Variants in HNRNPM observed in about 807,000 individuals in gnomAD.
HNRNPM encodes the protein heterogeneous nuclear ribonucleoprotein M, also known as CEA receptor.
A neutral mutation model predicts 73.1 loss-of-function variants in HNRNPM; 11 were observed. The ratio of observed to expected loss-of-function variants is 0.15; its 90% CI spans 0.09 to 0.25. The LOEUF (loss-of-function observed/expected upper bound fraction) is 0.25, where lower values mean the gene tolerates loss of function less well. Ranked by LOEUF, HNRNPM falls within the 10% of genes least tolerant of loss-of-function variation. The pLI is 1.00. For synonymous variants in HNRNPM, 407 were observed against 355.2 expected (o/e 1.15, Z -1.64); for missense variants, 789 against 1,067.9 (o/e 0.74, Z 3.64).
rs1037622364 is a variant in HNRNPM, at chr19:8,475,929, T to A, written c.1120+1685T>A. Among the ~76,000 whole-genome samples the A allele has an allele frequency of 1.8e-4, 16 of 91,014 alleles. No individual in the cohort carries two copies. The East Asian group carries it at 2.5e-3, about 14-fold the overall frequency. The allele number at this position is 91,014 out of a possible 152,430, so 59.7% of individuals were successfully genotyped here. On this transcript the variant is annotated intron_variant, in intron 12 of 15. Transcript: ENST00000325495. ...TCTTTTTTTTTTTTTTTTTTTTTTT[T>A]AAGAACAGATTAGTCATTAGGGAAT...
At chr19:8,470,058 C>T (rs1036017739) in intron 9 of HNRNPM, among the ~76,000 whole-genome samples, 4 of 152,230 alleles carry the variant, frequency 2.6e-5, no homozygotes, top group Admixed American at 1.3e-4. Flanking sequence ...TGGACCATGG[C>T]GATGGCTCTT....
In HNRNPM at chr19:8,461,575, T is replaced by C. The variant is rs191749922; in HGVS notation, c.284-954T>C. 1.5e-3 allele frequency among the ~76,000 whole-genome samples: 232 copies of C among 152,318 alleles called. 2 individuals carry two copies. Among genetic ancestry groups the C allele is most frequent in the Middle Eastern group, 0.01 (3 of 294 alleles). On this transcript the variant is annotated intron_variant, in intron 2 of 15. Coordinates refer to ENST00000325495, the MANE Select transcript of HNRNPM (RefSeq NM_005968.5). ...CTTGATGGATTCTAACATCTGGTCA[T>C]GGTGGTCATGAATTGGCAATCCAAA...
At chr19:8,454,614 A>G (rs1004145454) in intron 1 of HNRNPM, among the ~76,000 whole-genome samples, 2 of 148,488 alleles carry the variant, frequency 1.3e-5, no homozygotes, top group East Asian at 4.0e-4. Context: ...GGTCATAGTA[A>G]TTCTGTGTTT....
chr19:8,486,532 A>G, intron 14 of HNRNPM, 127 bp downstream of exon 14: 1 of 761,228 alleles, frequency 1.3e-6, no homozygotes, highest in South Asian at 1.9e-5. Flanking sequence ...CACTGTCCCA[A>G]ACGTTTTATG....
chr19:8,482,099 A>C (rs1257928237), intron 12 of HNRNPM, among the ~76,000 whole-genome samples: 1 of 151,172 alleles, frequency 6.6e-6, no homozygotes, highest in Non-Finnish European at 1.5e-5. Flanking sequence ...CAGCCTCCTG[A>C]GTAACTGGGA....
chr19:8,462,736 A>T lies in HNRNPM; in HGVS notation c.336+155A>T. On this transcript the variant is annotated intron_variant, in intron 3 of 15. Transcript: ENST00000325495. This position sits in a 1 kb window ranked among gnomAD's most constrained non-coding sequence, Gnocchi z 4.5. Reference sequence around the variant, plus strand: ...AAACATTTGAGTGGGGTGGGAGGGGATTTGCAAATGGGAGTCCCGCTTTTC... The same window carrying T: ...AAACATTTGAGTGGGGTGGGAGGGGTTTTGCAAATGGGAGTCCCGCTTTTC... 1.4e-6 allele frequency: 1 copy of T among 693,004 alleles called. No individual in the cohort carries two copies. The highest frequency in any genetic ancestry group is 2.6e-6 in the Non-Finnish European group (1 of 387,838). 42.9% of individuals were successfully genotyped at this position (693,004 alleles called of 1,614,324 possible). A position where few individuals can be genotyped will look rare whatever the true frequency, so the allele number is the denominator to read the frequency against.
intron 12 of HNRNPM, among the ~76,000 whole-genome samples, chr19:8,480,431 G>T (rs1023837959): frequency 6.6e-6 from 1 of 150,586 alleles, no homozygotes; most frequent in African/African-American, 2.4e-5. Flanking sequence ...ATGGCATGTG[G>T]CTGGGCAGGT....
At chr19:8,452,681 T>C (rs1398938851) in intron 1 of HNRNPM, among the ~76,000 whole-genome samples, 1 of 152,168 alleles carries the variant, frequency 6.6e-6, no homozygotes, top group Admixed American at 6.5e-5. Context: ...TGATTGTGTA[T>C]TGGTATAGTT....
chr19:8,471,863 G>A (rs537151496), intron 10 of HNRNPM, among the ~76,000 whole-genome samples: 2 of 152,174 alleles, frequency 1.3e-5, no homozygotes, highest in South Asian at 4.1e-4. Flanking sequence ...AGAGCTAGGG[G>A]CATTGATAGA....
intron 9 of HNRNPM, among the ~76,000 whole-genome samples, chr19:8,469,214 C>T (rs773781593): frequency 2.0e-5 from 3 of 152,166 alleles, no homozygotes; most frequent in South Asian, 2.1e-4. Context: ...GAAATTCGCA[C>T]GCAGATGTTT....
In HNRNPM at chr19:8,463,663, G is replaced by A. The variant is rs770428991; in HGVS notation, c.415G>A (p.Gly139Arg). ...AGTCCTAAACAAGCATAGTCTGAGC[G>A]GAAGACCACTGAAAGTCAAAGAAGT... Reference protein sequence around the residue: ...AEVLNKHSLSGRPLKVKEDPD... With the variant: ...AEVLNKHSLSRRPLKVKEDPD... Residue 139 changes from glycine to arginine, a missense_variant, in exon 5 of 16, where the codon GGA becomes AGA. Transcript: ENST00000325495. 1 of 1,612,790 alleles carries A rather than the reference G, an allele frequency of 6.2e-7. No homozygotes were observed. The highest frequency in any genetic ancestry group is 8.5e-7 in the Non-Finnish European group (1 of 1,178,826).
intron 2 of HNRNPM, among the ~76,000 whole-genome samples, chr19:8,458,940 A>G (rs1195676693): frequency 6.6e-6 from 1 of 151,960 alleles, no homozygotes; most frequent in South Asian, 2.1e-4. Context: ...CCTGTATTTT[A>G]TTTATTTTGT....
At chr19:8,488,440 CCTT>C (rs1267449557) in intron 15 of HNRNPM, 6 of 409,732 alleles carry the variant, frequency 1.5e-5, no homozygotes, top group Non-Finnish European at 2.6e-5. Context: ...TTACACTGCG[CCTT>C]CTTTTTTGAA....
chr19:8,453,589 T>G (rs866828383), intron 1 of HNRNPM, among the ~76,000 whole-genome samples: 2 of 139,686 alleles, frequency 1.4e-5, no homozygotes, highest in Non-Finnish European at 3.0e-5. Flanking sequence ...GGCTTTTTGG[T>G]TTTTTTTCCG....
chr19:8,481,825 G>A (rs1013644072), intron 12 of HNRNPM, among the ~76,000 whole-genome samples: 7 of 151,858 alleles, frequency 4.6e-5, no homozygotes, highest in African/African-American at 1.7e-4. Context: ...CAGGCGTCCC[G>A]GGAGAATGAG....
intron 8 of HNRNPM, 83 bp from the exon 9 acceptor site, chr19:8,468,691 G>GAA (rs1969927522): frequency 9.8e-7 from 1 of 1,019,994 alleles, no homozygotes; most frequent in African/African-American, 1.6e-5. Flanking sequence ...GTCCTCTCTT[G>GAA]ATGGGGGGCC....
chr19:8,486,543 C>T (rs910214181), intron 14 of HNRNPM, 138 bp downstream of exon 14: 25 of 701,322 alleles, frequency 3.6e-5, no homozygotes, highest in Non-Finnish European at 4.9e-5. Context: ...ACGTTTTATG[C>T]TAGTGGGACA....
At chr19:8,459,587 A>C (rs375196823) in intron 2 of HNRNPM, among the ~76,000 whole-genome samples, 1 of 152,212 alleles carries the variant, frequency 6.6e-6, no homozygotes, top group African/African-American at 2.4e-5. Flanking sequence ...GTTAAAAAAA[A>C]ATATATAGGT....
intron 12 of HNRNPM, among the ~76,000 whole-genome samples, chr19:8,480,159 C>T (rs1376397029): frequency 1.4e-5 from 2 of 144,388 alleles, no homozygotes; most frequent in African/African-American, 2.5e-5. Context: ...TGGTGAATCA[C>T]GAGGTTAGGA....
Sources: gnomAD v4.1 joint callset for allele counts (sites outside exome capture counted in the v4.1 genomes callset) on GRCh38, gnomAD v4.1.1 for gene constraint, Gnocchi (gnomAD v3.1) non-coding constraint, MANE v1.5 for transcripts, NCBI Gene and HGNC (gene_info 2026-07-23, HGNC 2026-07-21) for gene names.